CPED1: variants seen among roughly 807,000 people sequenced by gnomAD.
The protein encoded by CPED1 is cadherin like and PC-esterase domain containing 1, also known as cadherin-like and PC-esterase domain-containing protein 1.
Under a neutral mutation model 128.2 loss-of-function variants are expected in CPED1, and 114 were observed. That is an observed-to-expected ratio of 0.89 (90% CI 0.76 to 1.04). The LOEUF (loss-of-function observed/expected upper bound fraction) is 1.04, where lower values mean the gene tolerates loss of function less well. Ranked by LOEUF, CPED1 falls within the 50% of genes least tolerant of loss-of-function variation. The pLI, the probability that CPED1 is intolerant of heterozygous loss-of-function variation, is 0.00. For synonymous variants in CPED1, 462 were observed against 426.7 expected (o/e 1.08, Z -1.02); for missense variants, 1,211 against 1,207.1 (o/e 1.00, Z -0.05).
chr7:121,217,396 T>A (rs1462983832), intron 16 of CPED1, among the ~76,000 whole-genome samples: 2 of 152,076 alleles, frequency 1.3e-5, no homozygotes, highest in Non-Finnish European at 2.9e-5. Flanking sequence ...TCTAGACAGC[T>A]CCATGTAAAT....
chr7:121,138,646 G>T (rs1383818332), intron 14 of CPED1, among the ~76,000 whole-genome samples: 1 of 152,046 alleles, frequency 6.6e-6, no homozygotes, highest in Non-Finnish European at 1.5e-5. Context: ...AGTATAAACT[G>T]CAGGGAAATT....
At position 121,058,121 on chromosome 7, in the gene CPED1, G is replaced by T. The variant is rs115949848; in HGVS notation, c.541-6117G>T. ...TGAAGTAGAGTGAATGTAGTAGGTG[G>T]TGAGGGCAGAGAGGTACCTGGAGCT... On this transcript the variant is annotated intron_variant, in intron 4 of 22. Coordinates refer to ENST00000310396, the MANE Select transcript of CPED1 (RefSeq NM_024913.5). 7.5e-3 allele frequency among the ~76,000 whole-genome samples: 1,139 copies of T among 152,208 alleles called. 19 individuals carry two copies. The highest frequency in any genetic ancestry group is 0.026 in the African/African-American group (1,086 of 41,526).
chr7:121,001,239 C>T (rs1791847937), intron 2 of CPED1, among the ~76,000 whole-genome samples: 1 of 152,178 alleles, frequency 6.6e-6, no homozygotes. Context: ...AATACTTCCT[C>T]ATCTGCTCAA....
intron 16 of CPED1, among the ~76,000 whole-genome samples, chr7:121,161,915 C>T (rs777989864): frequency 7.9e-5 from 12 of 152,120 alleles, no homozygotes; most frequent in Non-Finnish European, 1.2e-4. Context: ...TATTTATTTA[C>T]CTTACAAGTT....
intron 4 of CPED1, among the ~76,000 whole-genome samples, chr7:121,054,765 G>A (rs548053683): frequency 5.9e-5 from 9 of 151,544 alleles, no homozygotes; most frequent in South Asian, 2.1e-4. Flanking sequence ...ATCCTCACCC[G>A]TCAGTCATGG....
intron 5 of CPED1, among the ~76,000 whole-genome samples, chr7:121,093,594 G>A (rs1794628373): frequency 6.6e-6 from 1 of 152,076 alleles, no homozygotes; most frequent in African/African-American, 2.4e-5. Context: ...TGCATCCACA[G>A]GGCAACCTTG....
At chr7:121,138,073 A>G (rs1312912927) in intron 14 of CPED1, among the ~76,000 whole-genome samples, 2 of 152,072 alleles carry the variant, frequency 1.3e-5, no homozygotes, top group Non-Finnish European at 2.9e-5. Context: ...CTGGATCTTT[A>G]GTAATTAATC....
chr7:121,055,282 A>G (rs1038069055), intron 4 of CPED1, among the ~76,000 whole-genome samples: 1 of 152,168 alleles, frequency 6.6e-6, no homozygotes, highest in African/African-American at 2.4e-5. Flanking sequence ...AATTTTTAAA[A>G]TGTTTTAACT....
intron 16 of CPED1, among the ~76,000 whole-genome samples, chr7:121,200,995 A>G (rs534086152): frequency 6.6e-6 from 1 of 152,222 alleles, no homozygotes; most frequent in South Asian, 2.1e-4. Flanking sequence ...AAGGCACAGA[A>G]TCACGTGTTG....
intron 7 of CPED1, among the ~76,000 whole-genome samples, chr7:121,110,071 C>T (rs879835380): frequency 2.6e-5 from 4 of 152,114 alleles, no homozygotes; most frequent in African/African-American, 4.8e-5. Context: ...GTCTGGGGAT[C>T]GGTGTGCAGT....
At chr7:121,271,987 T>G (rs779387123) in intron 22 of CPED1, among the ~76,000 whole-genome samples, 4 of 152,136 alleles carry the variant, frequency 2.6e-5, no homozygotes, top group Non-Finnish European at 5.9e-5. Flanking sequence ...CTCCTGTCCT[T>G]TTGAACCTTC....
intron 22 of CPED1, among the ~76,000 whole-genome samples, chr7:121,293,276 C>T (rs1392331889): frequency 1.3e-5 from 2 of 152,122 alleles, no homozygotes; most frequent in African/African-American, 4.8e-5. Context: ...GCATCCAGTT[C>T]GAAATTCCCA....
intron 16 of CPED1, among the ~76,000 whole-genome samples, chr7:121,158,036 C>A (rs779499259): frequency 1.8e-4 from 28 of 152,084 alleles, no homozygotes; most frequent in Admixed American, 1.0e-3. Context: ...ATTATATGCA[C>A]AATTATAATT....
At chr7:121,204,708 C>T (rs1429714798) in intron 16 of CPED1, among the ~76,000 whole-genome samples, 1 of 152,122 alleles carries the variant, frequency 6.6e-6, no homozygotes, top group Non-Finnish European at 1.5e-5. Context: ...GAATTATAAA[C>T]AGAACATTAC....
chr7:121,111,396 C>T (rs1441042306), intron 7 of CPED1, among the ~76,000 whole-genome samples: 1 of 152,140 alleles, frequency 6.6e-6, no homozygotes, highest in Non-Finnish European at 1.5e-5. Context: ...AGGGAGGTTC[C>T]CACAGCTCCA....
At chr7:121,292,143 C>T (rs1792715788) in intron 22 of CPED1, among the ~76,000 whole-genome samples, 1 of 152,032 alleles carries the variant, frequency 6.6e-6, no homozygotes, top group African/African-American at 2.4e-5. Flanking sequence ...CTTTCAGGTA[C>T]ACCAATCAAA....
At chr7:121,170,811 G>A (rs1796635730) in intron 16 of CPED1, among the ~76,000 whole-genome samples, 2 of 152,240 alleles carry the variant, frequency 1.3e-5, no homozygotes, top group African/African-American at 4.8e-5. Context: ...AGCAGTTTGG[G>A]AGGCTGAGGT....
intron 5 of CPED1, among the ~76,000 whole-genome samples, chr7:121,065,964 A>T (rs566881495): frequency 1.3e-5 from 2 of 152,206 alleles, no homozygotes; most frequent in South Asian, 4.1e-4. Flanking sequence ...AAATGTCTGC[A>T]GCATTATTTT....
intron 3 of CPED1, among the ~76,000 whole-genome samples, chr7:121,021,524 A>G (rs1472286567): frequency 1.3e-5 from 2 of 152,026 alleles, no homozygotes; most frequent in Non-Finnish European, 2.9e-5. Context: ...ATAAAAAAGA[A>G]GCTATAAGGA....
Sources: allele counts gnomAD v4.1 joint callset (sites outside exome capture counted in the v4.1 genomes callset), GRCh38; gene constraint gnomAD v4.1.1; transcripts MANE v1.5; gene names NCBI Gene and HGNC (gene_info 2026-07-23, HGNC 2026-07-21).